KLHL1: variants seen among roughly 807,000 people sequenced by gnomAD.
The protein encoded by KLHL1 is kelch like family member 1.
KLHL1 carries 47 observed loss-of-function variants against 77.7 expected under a neutral mutation model. The ratio of observed to expected loss-of-function variants is 0.60; its 90% confidence interval spans 0.48 to 0.77. The LOEUF (loss-of-function observed/expected upper bound fraction) is 0.77, where lower values mean the gene tolerates loss of function less well. KLHL1 is among the 30% of genes least tolerant of loss of function. The pLI is 0.00. For missense variants in KLHL1, 925 were observed against 910.8 expected, an observed-to-expected ratio of 1.02 and a Z score of -0.20; for synonymous variants, 360 against 325.2, an observed-to-expected ratio of 1.11 and a Z score of -1.15.
At chr13:69,894,837 A>G (rs1308759532) in intron 4 of KLHL1, 10 of 250,140 alleles carry the variant, frequency 4.0e-5, no homozygotes, top group African/African-American at 6.8e-5. Context: ...CCAAATTGGC[A>G]TAGGTCTCCT....
At chr13:69,818,631 G>A (rs1254024760) in intron 6 of KLHL1, among the ~76,000 whole-genome samples, 1 of 152,154 alleles carries the variant, frequency 6.6e-6, no homozygotes, top group East Asian at 1.9e-4. Flanking sequence ...ATATCCCTTA[G>A]CAAGACAGTA....
At chr13:69,757,957 CAAAAAAAAAAAAAA>C (rs59302694) in intron 7 of KLHL1, among the ~76,000 whole-genome samples, 2 of 73,124 alleles carry the variant, frequency 2.7e-5, no homozygotes, top group Admixed American at 3.9e-4. Flanking sequence ...AACTCCATCT[CAAAAAAAAAAAAAA>C]AAAAAAAAAA....
chr13:70,008,345 T>G (rs560793614), intron 1 of KLHL1, among the ~76,000 whole-genome samples: 40 of 152,168 alleles, frequency 2.6e-4, no homozygotes, highest in Middle Eastern at 3.4e-3. Context: ...TTGTGCCTCA[T>G]AGCTTGATTT....
At chr13:70,106,671 G>A (rs914275612) in intron 1 of KLHL1, among the ~76,000 whole-genome samples, 7 of 152,134 alleles carry the variant, frequency 4.6e-5, no homozygotes, top group African/African-American at 1.7e-4. Context: ...AGAATAAGAC[G>A]ACTGCATTTC....
chr13:70,085,481 C>G (rs1484896792), intron 1 of KLHL1, among the ~76,000 whole-genome samples: 1 of 152,114 alleles, frequency 6.6e-6, no homozygotes, highest in South Asian at 2.1e-4. Flanking sequence ...CAGAATAAGA[C>G]AGTGCTTATT....
intron 7 of KLHL1, among the ~76,000 whole-genome samples, chr13:69,795,414 T>C (rs1445467062): frequency 1.3e-5 from 2 of 151,692 alleles, no homozygotes; most frequent in African/African-American, 4.9e-5. Flanking sequence ...AATTAAACTC[T>C]GTTATCTGTC....
At position 69,933,520 on chromosome 13, in the gene KLHL1, AG is replaced by A. The variant is rs142475028; in HGVS notation, c.1014+6519del. On this transcript the variant is annotated intron_variant, in intron 4 of 10. Transcript: ENST00000377844. ...CCATGATCACAAACCACATTGATATAGTTTGTTCTTTCTATAGGTATTTTTT... is the reference window on the plus strand; with the variant it reads ...CCATGATCACAAACCACATTGATATATTTGTTCTTTCTATAGGTATTTTTT... Among the ~76,000 whole-genome samples the A allele has an allele frequency of 9.1e-3, 1,383 of 152,254 alleles. 28 individuals carry two copies. Among genetic ancestry groups the A allele is most frequent in the African/African-American group, 0.032 (1,317 of 41,542 alleles).
intron 6 of KLHL1, among the ~76,000 whole-genome samples, chr13:69,821,552 T>C (rs1878336380): frequency 6.6e-6 from 1 of 152,106 alleles, no homozygotes; most frequent in African/African-American, 2.4e-5. Context: ...TGACCTCAGC[T>C]GATCCGCCCT....
intron 3 of KLHL1, among the ~76,000 whole-genome samples, chr13:69,947,936 G>A (rs1883581921): frequency 6.6e-6 from 1 of 152,148 alleles, no homozygotes; most frequent in East Asian, 1.9e-4. Flanking sequence ...TGATTTCAAG[G>A]CATAACGTTC....
chr13:69,822,344 A>G (rs1425004522), intron 6 of KLHL1, among the ~76,000 whole-genome samples: 1 of 152,230 alleles, frequency 6.6e-6, no homozygotes, highest in Non-Finnish European at 1.5e-5. Context: ...AAAGGATACC[A>G]TTTTAATTAT....
intron 1 of KLHL1, among the ~76,000 whole-genome samples, chr13:70,032,538 A>G (rs781688093): frequency 1.2e-4 from 19 of 152,198 alleles, no homozygotes; most frequent in Admixed American, 2.6e-4. Context: ...AGCTATATAA[A>G]AGTTCCCTGT....
At chr13:70,081,573 C>T (rs1887391239) in intron 1 of KLHL1, among the ~76,000 whole-genome samples, 1 of 152,154 alleles carries the variant, frequency 6.6e-6, no homozygotes, top group Non-Finnish European at 1.5e-5. Flanking sequence ...GGAGATCTCT[C>T]CGTTGTTCTT....
intron 1 of KLHL1, among the ~76,000 whole-genome samples, chr13:70,073,467 T>C (rs1029974853): frequency 2.0e-5 from 3 of 151,786 alleles, no homozygotes; most frequent in Non-Finnish European, 4.4e-5. Flanking sequence ...AAATGATGAG[T>C]TACTGGGTGC....
chr13:69,853,330 C>T (rs1314687933), intron 5 of KLHL1, among the ~76,000 whole-genome samples: 1 of 151,906 alleles, frequency 6.6e-6, no homozygotes, highest in Non-Finnish European at 1.5e-5. Context: ...GGCTTTTCCC[C>T]CTTTTGCTCA....
chr13:69,707,133 T>C (rs1875662646), intron 10 of KLHL1, among the ~76,000 whole-genome samples: 1 of 152,034 alleles, frequency 6.6e-6, no homozygotes, highest in Admixed American at 6.6e-5. Flanking sequence ...GGTTAGTTTC[T>C]GTTTATGGCT....
intron 5 of KLHL1, among the ~76,000 whole-genome samples, chr13:69,866,924 C>T (rs1880386982): frequency 6.8e-6 from 1 of 146,282 alleles, no homozygotes; most frequent in African/African-American, 2.6e-5. Context: ...CTGAGGGAAA[C>T]ATTTTCTGAC....
chr13:70,062,751 TG>T (rs1261388202), intron 1 of KLHL1, among the ~76,000 whole-genome samples: 1 of 152,172 alleles, frequency 6.6e-6, no homozygotes, highest in African/African-American at 2.4e-5. Flanking sequence ...CTTGTCTCTG[TG>T]GACAAGCATA....
chr13:70,064,022 G>T (rs1343680520), intron 1 of KLHL1, among the ~76,000 whole-genome samples: 1 of 152,010 alleles, frequency 6.6e-6, no homozygotes, highest in Non-Finnish European at 1.5e-5. Flanking sequence ...TGAAGTATAG[G>T]TTATAGAAAA....
rs1426644492 is a variant in KLHL1, at chr13:69,935,263, T to TGGTGAACTTGGTACATAGTTCACCC, written c.1014+4776_1014+4777insGGGTGAACTATGTACCAAGTTCACC. Among the ~76,000 whole-genome samples, 99 of 45,378 alleles carry TGGTGAACTTGGTACATAGTTCACCC rather than the reference T, an allele frequency of 2.2e-3. 3 individuals are homozygous for TGGTGAACTTGGTACATAGTTCACCC. The South Asian group carries it at 0.05, about 23-fold the overall frequency. The allele number at this position is 45,378 out of a possible 152,430, so 29.8% of individuals were successfully genotyped here. Reference sequence around the variant, plus strand: ...TGGTGAACTTGGTACATAGTTCACCTACTGGTGAACTTGGTACATAGCAGT... The same window carrying TGGTGAACTTGGTACATAGTTCACCC: ...TGGTGAACTTGGTACATAGTTCACCTGGTGAACTTGGTACATAGTTCACCCACTGGTGAACTTGGTACATAGCAGT... On this transcript the variant is annotated intron_variant, in intron 4 of 10. Coordinates refer to ENST00000377844, the MANE Select transcript of KLHL1 (RefSeq NM_020866.3).
Sources: gnomAD v4.1 joint callset for allele counts (sites outside exome capture counted in the v4.1 genomes callset) on GRCh38, gnomAD v4.1.1 for gene constraint, MANE v1.5 for transcripts, NCBI Gene and HGNC (gene_info 2026-07-23, HGNC 2026-07-21) for gene names.